The following DHX8 variants were observed in gnomAD, a reference collection of about 807,000 sequenced individuals.
DHX8 encodes the protein ATP-dependent RNA helicase DHX8.
Under a neutral mutation model 140.7 loss-of-function variants are expected in DHX8, and 67 were observed. The observed-to-expected ratio is 0.48, with a 90% CI of 0.39 to 0.58. The LOEUF is 0.58. Among genes scored for constraint, DHX8 ranks in the 20% least tolerant of loss-of-function variants. The probability of loss-of-function intolerance (pLI) is 0.00; values close to 1 mark genes in which losing one functional copy is unlikely to be tolerated. For missense variants in DHX8, 887 were observed against 1,550.7 expected (o/e 0.57, Z 7.19); for synonymous variants, 533 against 553.2 (o/e 0.96, Z 0.51).
At position 43,496,176 on chromosome 17, in the gene DHX8, G is replaced by C. The variant is rs201541603; in HGVS notation, c.1213-5G>C. The C allele has an allele frequency of 4.3e-6, 7 of 1,612,122 alleles. No individual in the cohort carries two copies. In the Admixed American group the frequency reaches 5.0e-5, roughly 12 times the overall value. ...TACAAATGCTGCCTTCTCTTCTTTG[G>C]CTAGATGATTGCTGCCAATGTCCTT... is the stretch of plus-strand genomic sequence containing the variant. On this transcript the variant is annotated splice_region_variant and splice_polypyrimidine_tract_variant and intron_variant, in intron 8 of 22. Coordinates refer to ENST00000262415, the MANE Select transcript of DHX8 (RefSeq NM_004941.3).
intron 3 of DHX8, among the ~76,000 whole-genome samples, chr17:43,538,140 CAAAAAAA>C (rs34924870): frequency 9.0e-6 from 1 of 110,750 alleles, no homozygotes; most frequent in Admixed American, 9.5e-5. Flanking sequence ...GACTCCATTT[CAAAAAAA>C]AAAAAAAAAA....
At chr17:43,510,741 C>T (rs1370583308) in intron 16 of DHX8, among the ~76,000 whole-genome samples, 2 of 152,144 alleles carry the variant, frequency 1.3e-5, no homozygotes, top group Non-Finnish European at 2.9e-5. Context: ...ATTTTATCTC[C>T]CTAAAAAGAA....
At chr17:43,523,502 A>T in intron 22 of DHX8, 126 bp from the exon 23 acceptor site, 1 of 1,444,978 alleles carries the variant, frequency 6.9e-7, no homozygotes, top group Non-Finnish European at 9.3e-7. Context: ...CTGCAGTCTT[A>T]TAGGTGTCAG....
chr17:43,496,770 ACT>A (rs1968885991), intron 9 of DHX8, among the ~76,000 whole-genome samples: 1 of 145,168 alleles, frequency 6.9e-6, no homozygotes, highest in African/African-American at 2.5e-5. Flanking sequence ...ACAGAGTGAG[ACT>A]CTATCAAAAA....
chr17:43,505,252 A>T (rs1306714898), intron 12 of DHX8, among the ~76,000 whole-genome samples: 1 of 152,164 alleles, frequency 6.6e-6, no homozygotes, highest in African/African-American at 2.4e-5. Flanking sequence ...TACTAAAAAT[A>T]CAAAAAATTA....
chr17:43,500,391 G>A (rs1252275819), intron 11 of DHX8, among the ~76,000 whole-genome samples: 5 of 152,094 alleles, frequency 3.3e-5, no homozygotes, highest in African/African-American at 1.2e-4. Context: ...GGAGGCTGAG[G>A]CAGGAGAATC....
At chr17:43,520,929 A>G (rs1598176803) in intron 20 of DHX8, 50 bp downstream of exon 20, 1 of 1,220,496 alleles carries the variant, frequency 8.2e-7, no homozygotes, top group African/African-American at 1.7e-5. Context: ...AAGTTGGGGT[A>G]GTTGGCCTGT....
At chr17:43,540,114 C>A (rs1166479325) in intron 3 of DHX8, among the ~76,000 whole-genome samples, 1 of 152,152 alleles carries the variant, frequency 6.6e-6, no homozygotes, top group Non-Finnish European at 1.5e-5. Flanking sequence ...AAAAGACAAC[C>A]ATTCCCAAAC....
chr17:43,519,995 G>A lies in DHX8; in HGVS notation c.2800-135G>A, dbSNP rs1032301159. On this transcript the variant is annotated intron_variant, in intron 18 of 22. Coordinates refer to ENST00000262415, the MANE Select transcript of DHX8 (RefSeq NM_004941.3). ...AGTTTTATGTGGCCCAGCCCTGGAA[G>A]TTACCGCCAGTCTCACCGGTGGCTT... 19 of 902,200 alleles carry A rather than the reference G, an allele frequency of 2.1e-5. No individual in the cohort carries two copies. The African/African-American group carries it at 3.1e-4, about 15-fold the overall frequency. The allele number at this position is 902,200 out of a possible 1,614,324, so 55.9% of individuals were successfully genotyped here. A position where few individuals can be genotyped will look rare whatever the true frequency, so the allele number is the denominator to read the frequency against.
chr17:43,498,826 G>A lies in DHX8; in HGVS notation c.1301-36G>A, dbSNP rs368822070. The stretch of plus-strand genomic sequence containing the variant: ...TTGGTGAAAATTGTTATTTTTTCTT[G>A]TTTATGGCTAATTCTTCTTTTGGGG... On this transcript the variant is annotated intron_variant, in intron 9 of 22. Coordinates refer to ENST00000262415, the MANE Select transcript of DHX8 (RefSeq NM_004941.3). 3 of 1,516,744 alleles carry A rather than the reference G, an allele frequency of 2.0e-6. No individual in the cohort carries two copies. The African/African-American group carries it at 4.3e-5, about 22-fold the overall frequency. The allele number at this position is 1,516,744 out of a possible 1,614,324, so 94.0% of individuals were successfully genotyped here. A position where few individuals can be genotyped will look rare whatever the true frequency, so the allele number is the denominator to read the frequency against.
chr17:43,498,527 G>A (rs1349780162), intron 9 of DHX8, among the ~76,000 whole-genome samples: 2 of 151,282 alleles, frequency 1.3e-5, no homozygotes, highest in African/African-American at 2.4e-5. Flanking sequence ...TCAGCTCACT[G>A]CAACCTCTGC....
downstream of DHX8, chr17:43,528,886 G>C: frequency 1.4e-6 from 1 of 713,088 alleles, no homozygotes; most frequent in Admixed American, 2.7e-5. Context: ...TTCCTGAGAA[G>C]CTGACTCTCC....
In DHX8 at chr17:43,484,215, G is replaced by A. The variant is rs994215640; in HGVS notation, c.148+30G>A. 3.8e-6 allele frequency: 6 copies of A among 1,594,614 alleles called. No individual in the cohort carries two copies. The African/African-American group carries it at 8.6e-5, about 23-fold the overall frequency. On this transcript the variant is annotated intron_variant, in intron 1 of 22. Coordinates refer to ENST00000262415, the MANE Select transcript of DHX8 (RefSeq NM_004941.3). ...GCTCGGGGAGGTCCCTGGGACCTCA[G>A]TTTGGGATTGAGGGAAGCGGAAGGA...
downstream of DHX8, chr17:43,526,685 CTCTT>C: frequency 6.6e-7 from 1 of 1,517,440 alleles, no homozygotes; most frequent in Non-Finnish European, 8.8e-7. Context: ...AACTCCCTCT[CTCTT>C]CGTGTGTGTA....
intron 16 of DHX8, among the ~76,000 whole-genome samples, chr17:43,509,691 A>C (rs891673353): frequency 2.0e-5 from 3 of 151,866 alleles, no homozygotes; most frequent in African/African-American, 7.3e-5. Context: ...TTTTTGAGAC[A>C]GAGTTTCACT....
intron 11 of DHX8, among the ~76,000 whole-genome samples, chr17:43,502,062 G>A (rs559787864): frequency 6.6e-6 from 1 of 152,340 alleles, no homozygotes; most frequent in East Asian, 1.9e-4. Flanking sequence ...GAACACTGGA[G>A]GAGAAATGGG....
At position 43,525,296 on chromosome 17, in the gene DHX8, G is replaced by A; in HGVS notation, c.*1449G>A. 1.0e-6 allele frequency: 1 copy of A among 985,434 alleles called. No individual in the cohort carries two copies. Among genetic ancestry groups the A allele is most frequent in the Non-Finnish European group, 1.2e-6 (1 of 829,926 alleles). 61.0% of individuals were successfully genotyped at this position (985,434 alleles called of 1,614,324 possible). ...TAAATGCTAGAACTACTGTAGAACTGTATGCCAGACACTAAGAGAGACTAT... is the reference window on the plus strand; with the variant it reads ...TAAATGCTAGAACTACTGTAGAACTATATGCCAGACACTAAGAGAGACTAT... On this transcript the variant is annotated 3_prime_UTR_variant, in exon 23 of 23. Transcript: ENST00000262415.
At position 43,525,284 on chromosome 17, in the gene DHX8, T is replaced by G; in HGVS notation, c.*1437T>G. On this transcript the variant is annotated 3_prime_UTR_variant, in exon 23 of 23. Coordinates refer to ENST00000262415, the MANE Select transcript of DHX8 (RefSeq NM_004941.3). ...TCTGAAGTGATGTAAATGCTAGAAC[T>G]ACTGTAGAACTGTATGCCAGACACT... The G allele has an allele frequency of 1.0e-6, 1 of 985,444 alleles. No homozygotes were observed. The highest frequency in any genetic ancestry group is 1.2e-6 in the Non-Finnish European group (1 of 829,940). 61.0% of individuals were successfully genotyped at this position (985,444 alleles called of 1,614,324 possible). A position where few individuals can be genotyped will look rare whatever the true frequency, so the allele number is the denominator to read the frequency against.
chr17:43,491,237 A>G lies in DHX8; in HGVS notation c.380A>G (p.Asn127Ser), dbSNP rs1598121084. 6.5e-7 allele frequency: 1 copy of G among 1,532,182 alleles called. No individual in the cohort carries two copies. The allele number at this position is 1,532,182 out of a possible 1,614,324, so 94.9% of individuals were successfully genotyped here. A position where few individuals can be genotyped will look rare whatever the true frequency, so the allele number is the denominator to read the frequency against. Reference protein sequence around the residue: ...ELFPVLCQPDNPSVRTMLDED... With the variant: ...ELFPVLCQPDSPSVRTMLDED... ...TTCCCAGTCCTTTGCCAACCGGACAACCCTTCTGTTCGGGTACTGATACCA... is the reference window on the plus strand; with the variant it reads ...TTCCCAGTCCTTTGCCAACCGGACAGCCCTTCTGTTCGGGTACTGATACCA... The change falls in exon 4 of 23, where the codon AAC becomes AGC. Residue 127 changes from asparagine to serine, a missense_variant. Transcript: ENST00000262415.
Sources: gnomAD v4.1 joint callset for allele counts (sites outside exome capture counted in the v4.1 genomes callset) on GRCh38, gnomAD v4.1.1 for gene constraint, MANE v1.5 for transcripts, NCBI Gene and HGNC (gene_info 2026-07-23, HGNC 2026-07-21) for gene names.